Variants in SUSD5 observed in about 807,000 individuals in gnomAD.
SUSD5 encodes the protein sushi domain containing 5.
In SUSD5, 33 loss-of-function variants were observed where a neutral mutation model predicts 29.5. That is an observed-to-expected ratio of 1.12 (90% CI 0.85 to 1.49). The LOEUF (loss-of-function observed/expected upper bound fraction) is 1.49. Ranked by LOEUF, SUSD5 falls within the 40% of genes most tolerant of loss-of-function variation. The pLI, the probability that SUSD5 is intolerant of heterozygous loss-of-function variation, is 0.00. For synonymous variants in SUSD5, 308 were observed against 325.3 expected (o/e 0.95, Z 0.57); for missense variants, 776 against 800.6 (o/e 0.97, Z 0.37).
chr3:33,162,875 C>G (rs1559445190), intron 4 of SUSD5, among the ~76,000 whole-genome samples: 2 of 145,136 alleles, frequency 1.4e-5, no homozygotes, highest in Non-Finnish European at 3.0e-5. Context: ...TGAGATGGTG[C>G]CATTGCACTC....
chr3:33,214,393 A>G (rs1483962791), intron 1 of SUSD5, among the ~76,000 whole-genome samples: 1 of 149,852 alleles, frequency 6.7e-6, no homozygotes, highest in Non-Finnish European at 1.5e-5. Context: ...TTCTTTTAAA[A>G]CGGTGTTTTA....
intron 4 of SUSD5, chr3:33,168,641 G>C (rs2031357200): frequency 1.1e-6 from 1 of 947,998 alleles, no homozygotes; most frequent in African/African-American, 1.8e-5. Flanking sequence ...GGATATGCCT[G>C]GTTTTATTTT....
In SUSD5 at chr3:33,207,867, C is replaced by T. The variant is rs748752881; in HGVS notation, c.350G>A (p.Arg117Lys). ...ACCAGGAACTGGGTTGCTCTCAATT[C>T]TCACATCGACAGCTCTCATGATTTG... ...EQQIMRAVDV[R>K]IESNPVPGGT... is the part of the protein sequence containing the mutation. Residue 117 changes from arginine to lysine, a missense_variant, in exon 3 of 5, where the codon AGA becomes AAA. Transcript: ENST00000309558. 2 of 1,613,978 alleles carry T rather than the reference C, an allele frequency of 1.2e-6. No individual in the cohort carries two copies. The highest frequency in any genetic ancestry group is 2.2e-5 in the South Asian group (2 of 91,074).
Position 33,153,754 on chromosome 3 carries a change from A to G in SUSD5, c.878T>C (p.Leu293Ser). 6.2e-7 allele frequency: 1 copy of G among 1,614,050 alleles called. No homozygotes were observed. The highest frequency in any genetic ancestry group is 2.2e-5 in the East Asian group (1 of 44,884). ...SPGSRLLQKHLFWFPAEAFHK... is the reference protein window; with the variant it reads ...SPGSRLLQKHSFWFPAEAFHK... ...GAAAGCCTCAGCAGGAAACCAGAAC[A>G]AGTGCTTCTGGAGCAGCCGTGATCC... The change falls in exon 5 of 5, where the codon TTG becomes TCG. Residue 293 changes from leucine to serine, a missense_variant. By Grantham distance (145) the Leu-to-Ser change is moderately radical. Transcript: ENST00000309558.
chr3:33,158,250 G>A (rs1249001863), intron 4 of SUSD5, among the ~76,000 whole-genome samples: 1 of 152,146 alleles, frequency 6.6e-6, no homozygotes, highest in Non-Finnish European at 1.5e-5. Flanking sequence ...TAAATCACTT[G>A]TACCCATAGT....
chr3:33,155,512 T>C (rs1045068051), intron 4 of SUSD5, among the ~76,000 whole-genome samples: 3 of 152,182 alleles, frequency 2.0e-5, no homozygotes, highest in Admixed American at 6.6e-5. Flanking sequence ...TCTACTAAAA[T>C]TGAACATATG....
At chr3:33,191,678 C>G (rs866392669) in intron 3 of SUSD5, among the ~76,000 whole-genome samples, 4 of 152,128 alleles carry the variant, frequency 2.6e-5, no homozygotes, top group African/African-American at 9.7e-5. Flanking sequence ...GGTGCAGTGG[C>G]TCACTCCTGT....
chr3:33,183,930 CTTTTTTTTTT>C (rs68055129), intron 3 of SUSD5, among the ~76,000 whole-genome samples: 1 of 62,604 alleles, frequency 1.6e-5, no homozygotes, highest in Non-Finnish European at 2.8e-5. Context: ...TTATTACCCT[CTTTTTTTTTT>C]TTTTTTTTTT....
At position 33,204,840 on chromosome 3, in the gene SUSD5, A is replaced by G. The variant is rs2032187185; in HGVS notation, c.409+2968T>C. 6.6e-6 allele frequency among the ~76,000 whole-genome samples: 1 copy of G among 152,058 alleles called. No individual in the cohort carries two copies. The highest frequency in any genetic ancestry group is 2.1e-4 in the South Asian group (1 of 4,830). On this transcript the variant is annotated intron_variant, in intron 3 of 4. Transcript: ENST00000309558. This position sits in a 1 kb window ranked among gnomAD's most constrained non-coding sequence, Gnocchi z 4.5. ...AGCCTGAGCTTTTTGAGATTTTAAA[A>G]TTTTATATAATTTCAAAGTTACATA...
chr3:33,214,193 G>T, intron 1 of SUSD5, 88 bp from the exon 2 acceptor site: 2 of 1,341,246 alleles, frequency 1.5e-6, no homozygotes, highest in Non-Finnish European at 2.0e-6. Context: ...ACGCCAGTTA[G>T]AACTGTAGTC....
At chr3:33,177,679 T>A (rs1222064152) in intron 3 of SUSD5, among the ~76,000 whole-genome samples, 6 of 152,216 alleles carry the variant, frequency 3.9e-5, no homozygotes, top group Non-Finnish European at 8.8e-5. Flanking sequence ...CAACTGGTAA[T>A]GTGTTTTTAA....
At chr3:33,194,960 C>T (rs113536978) in intron 3 of SUSD5, among the ~76,000 whole-genome samples, 2,850 of 152,164 alleles carry the variant, frequency 0.019, 59 homozygotes, top group East Asian at 0.083. Flanking sequence ...TTTGGGAGGC[C>T]GAGGTGGGTG....
chr3:33,194,384 G>A (rs1322672233), intron 3 of SUSD5, among the ~76,000 whole-genome samples: 2 of 152,142 alleles, frequency 1.3e-5, no homozygotes, highest in Non-Finnish European at 2.9e-5. Context: ...GGCTCTATCT[G>A]AGCAGCAGGC....
chr3:33,150,366 TTTA>T lies in SUSD5; in HGVS notation c.*2373_*2375del, dbSNP rs754549922. The T allele has an allele frequency of 6.6e-6, 1 of 152,204 alleles. No homozygotes were observed. The highest frequency in any genetic ancestry group is 6.5e-5 in the Admixed American group (1 of 15,282). The allele number at this position is 152,204 out of a possible 1,614,324, so 9.4% of individuals were successfully genotyped here. A position where few individuals can be genotyped will look rare whatever the true frequency, so the allele number is the denominator to read the frequency against. On this transcript the variant is annotated 3_prime_UTR_variant, in exon 5 of 5. Transcript: ENST00000309558. ...CACTGTATTAATAATTTGTAATAAA[TTTA>T]TTAATACACTGTATTAATATTGCCT...
At position 33,153,962 on chromosome 3, in the gene SUSD5, T is replaced by A; in HGVS notation, c.670A>T (p.Met224Leu). 6.2e-7 allele frequency: 1 copy of A among 1,613,850 alleles called. No homozygotes were observed. The highest frequency in any genetic ancestry group is 1.3e-5 in the African/African-American group (1 of 75,038). ...DDRSVSFREL[M>L]EDSRTEADED... is the part of the protein sequence containing the mutation. ...TCTGCCTCTGTCCGGGAATCCTCCA[T>A]GAGCTCTCTGAATGACACAGATCTG... The change falls in exon 5 of 5, where the codon ATG (methionine) becomes TTG (leucine). Residue 224 changes from methionine (M) to leucine (L), a missense_variant. Transcript: ENST00000309558.
intron 2 of SUSD5, among the ~76,000 whole-genome samples, chr3:33,211,470 A>T (rs893689564): frequency 6.6e-6 from 1 of 152,248 alleles, no homozygotes; most frequent in African/African-American, 2.4e-5. Context: ...TGTCTATTCA[A>T]GAGCATAGAT....
chr3:33,205,659 G>C (rs1376932700), intron 3 of SUSD5, among the ~76,000 whole-genome samples: 2 of 152,230 alleles, frequency 1.3e-5, no homozygotes, highest in African/African-American at 4.8e-5. Flanking sequence ...TTGCTCGATG[G>C]TCTGTGAGGT....
At chr3:33,216,443 G>A (rs1358072750) in intron 1 of SUSD5, among the ~76,000 whole-genome samples, 1 of 152,110 alleles carries the variant, frequency 6.6e-6, no homozygotes. Flanking sequence ...TAAAGAAGGA[G>A]CAACTTTACA....
intron 3 of SUSD5, among the ~76,000 whole-genome samples, chr3:33,179,689 A>G (rs2031629922): frequency 6.6e-6 from 1 of 152,198 alleles, no homozygotes; most frequent in African/African-American, 2.4e-5. Context: ...AGTAATTTGC[A>G]TCTTCTCTCA....
Sources: gnomAD v4.1 joint callset for allele counts (sites outside exome capture counted in the v4.1 genomes callset) on GRCh38, gnomAD v4.1.1 for gene constraint, Gnocchi (gnomAD v3.1) non-coding constraint, MANE v1.5 for transcripts, NCBI Gene and HGNC (gene_info 2026-07-23, HGNC 2026-07-21) for gene names.